RAD51B: variants seen among roughly 807,000 people sequenced by gnomAD.
RAD51B encodes the protein DNA repair protein RAD51 homolog 2.
Under a neutral mutation model 42.2 loss-of-function variants are expected in RAD51B, and 38 were observed. The ratio of observed to expected loss-of-function variants is 0.90; its 90% confidence interval spans 0.70 to 1.18. The LOEUF (loss-of-function observed/expected upper bound fraction) is 1.18. RAD51B is among the 50% of genes most tolerant of loss of function. RAD51B has a pLI of 0.00. For missense variants in RAD51B, 373 were observed against 400.7 expected, an observed-to-expected ratio of 0.93 and a Z score of 0.59; for synonymous variants, 154 against 145.2, an observed-to-expected ratio of 1.06 and a Z score of -0.43.
At chr14:68,679,258 TAAACAAACAAAC>T (rs367940837) in intron 11 of RAD51B, among the ~76,000 whole-genome samples, 115 of 152,118 alleles carry the variant, frequency 7.6e-4, no homozygotes, top group African/African-American at 2.3e-3. Flanking sequence ...TTTGTAAGTT[TAAACAAACAAAC>T]AAACAAACAA....
chr14:68,113,201 C>T (rs867828158), intron 7 of RAD51B, among the ~76,000 whole-genome samples: 12 of 152,136 alleles, frequency 7.9e-5, no homozygotes, highest in African/African-American at 2.4e-4. Context: ...TTGTAAAAGA[C>T]ACTATATTGA....
intron 7 of RAD51B, among the ~76,000 whole-genome samples, chr14:68,225,630 A>G (rs952154760): frequency 3.3e-5 from 5 of 152,214 alleles, no homozygotes; most frequent in Non-Finnish European, 7.3e-5. Flanking sequence ...TTGAATCTAG[A>G]GGTGGCTGAG....
chr14:67,940,037 T>C (rs1305459403), intron 7 of RAD51B, among the ~76,000 whole-genome samples: 236 of 12,008 alleles, frequency 0.02, 6 homozygotes, highest in South Asian at 0.038. Flanking sequence ...TATATATATA[T>C]ATATATATAT....
At chr14:68,446,244 G>GA (rs1467620996) in intron 9 of RAD51B, among the ~76,000 whole-genome samples, 1 of 152,200 alleles carries the variant, frequency 6.6e-6, no homozygotes, top group Non-Finnish European at 1.5e-5. Context: ...ATGGGCTATG[G>GA]AGATTATGAA....
chr14:68,509,047 T>C (rs961755599), intron 10 of RAD51B, among the ~76,000 whole-genome samples: 1 of 152,146 alleles, frequency 6.6e-6, no homozygotes, highest in Non-Finnish European at 1.5e-5. Flanking sequence ...AGAGGCACAC[T>C]GGGAAAATAG....
chr14:68,104,120 A>C (rs1486957362), intron 7 of RAD51B, among the ~76,000 whole-genome samples: 1 of 152,212 alleles, frequency 6.6e-6, no homozygotes, highest in African/African-American at 2.4e-5. Flanking sequence ...GTGAGAGAGT[A>C]TATGCAAGAG....
intron 7 of RAD51B, among the ~76,000 whole-genome samples, chr14:67,992,532 CT>C (rs746609706): frequency 2.6e-5 from 4 of 152,060 alleles, no homozygotes; most frequent in Non-Finnish European, 5.9e-5. Flanking sequence ...TCAGTCTACT[CT>C]TTTTGGTGGT....
At chr14:67,939,807 A>G (rs2045097635) in intron 7 of RAD51B, among the ~76,000 whole-genome samples, 1 of 151,616 alleles carries the variant, frequency 6.6e-6, no homozygotes, top group African/African-American at 2.4e-5. Context: ...TAAAGGCCCT[A>G]GGTCTAAATA....
At chr14:68,631,437 G>C (rs961175822) in intron 10 of RAD51B, among the ~76,000 whole-genome samples, 9 of 152,162 alleles carry the variant, frequency 5.9e-5, no homozygotes, top group African/African-American at 2.2e-4. Flanking sequence ...TAGGGTATGG[G>C]AGGAGGGAGT....
chr14:67,995,512 G>C (rs933952593), intron 7 of RAD51B, among the ~76,000 whole-genome samples: 1 of 151,882 alleles, frequency 6.6e-6, no homozygotes, highest in Admixed American at 6.6e-5. Context: ...ATTTATCCTT[G>C]CTCCTTCCAT....
At position 68,393,255 on chromosome 14, in the gene RAD51B, T is replaced by C. The variant is rs550980645; in HGVS notation, c.854-18169T>C. Among the ~76,000 whole-genome samples, 18 of 152,300 alleles carry C rather than the reference T, an allele frequency of 1.2e-4. No individual in the cohort carries two copies. The East Asian group carries it at 3.1e-3, about 26-fold the overall frequency. ...TGAATTCCAGGGACTAGCCCTGCTT[T>C]GAATTTAGGAGGAGGATTAGTGGGA... On this transcript the variant is annotated intron_variant, in intron 8 of 10. Transcript: ENST00000471583.
chr14:68,234,511 C>G (rs572294951), intron 7 of RAD51B, among the ~76,000 whole-genome samples: 2 of 152,278 alleles, frequency 1.3e-5, no homozygotes, highest in African/African-American at 4.8e-5. Context: ...CTGCTATACA[C>G]CTTGGCTGGA....
At chr14:68,073,154 T>C (rs1431916970) in intron 7 of RAD51B, among the ~76,000 whole-genome samples, 1 of 152,258 alleles carries the variant, frequency 6.6e-6, no homozygotes, top group Non-Finnish European at 1.5e-5. Flanking sequence ...TGTGGTTATC[T>C]ATGTCTTTTC....
At chr14:68,563,522 T>C (rs1213272262) in intron 10 of RAD51B, 31 of 985,384 alleles carry the variant, frequency 3.1e-5, no homozygotes, top group Admixed American at 6.1e-5. Flanking sequence ...CATAAGTAGC[T>C]GCCTTGTTAA....
chr14:68,337,771 T>C (rs2082487122), intron 8 of RAD51B, among the ~76,000 whole-genome samples: 1 of 152,052 alleles, frequency 6.6e-6, no homozygotes, highest in African/African-American at 2.4e-5. Context: ...AAATTTTTAT[T>C]TGTTTTGTTT....
downstream of RAD51B, among the ~76,000 whole-genome samples, chr14:68,596,375 TG>T (rs1566949627): frequency 1.3e-5 from 2 of 152,086 alleles, no homozygotes; most frequent in African/African-American, 2.4e-5. Context: ...TTTTCAACCA[TG>T]GGGGTGATTC....
chr14:67,947,813 A>T (rs1415345742), intron 7 of RAD51B, among the ~76,000 whole-genome samples: 3 of 152,188 alleles, frequency 2.0e-5, no homozygotes, highest in Admixed American at 1.3e-4. Flanking sequence ...TTGTGTTCTG[A>T]TGTATATATT....
At chr14:68,197,523 G>T (rs1207062141) in intron 7 of RAD51B, among the ~76,000 whole-genome samples, 1 of 152,096 alleles carries the variant, frequency 6.6e-6, no homozygotes, top group Non-Finnish European at 1.5e-5. Flanking sequence ...TTTGAAATTG[G>T]TGGGTCAGAG....
intron 3 of RAD51B, among the ~76,000 whole-genome samples, chr14:67,831,114 A>T (rs1477507931): frequency 6.6e-6 from 1 of 152,060 alleles, no homozygotes; most frequent in Non-Finnish European, 1.5e-5. Context: ...ACCTCAGGTG[A>T]TCCACCTGCC....
Sources: allele counts gnomAD v4.1 joint callset (sites outside exome capture counted in the v4.1 genomes callset), GRCh38; gene constraint gnomAD v4.1.1; transcripts MANE v1.5; gene names NCBI Gene and HGNC (gene_info 2026-07-23, HGNC 2026-07-21).